The following TNNI3K variants were observed in gnomAD, a reference collection of about 807,000 sequenced individuals.
The protein encoded by TNNI3K is TNNI3 interacting kinase.
A neutral mutation model predicts 114.5 loss-of-function variants in TNNI3K; 140 were observed. The ratio of observed to expected loss-of-function variants is 1.22; its 90% CI spans 1.07 to 1.41. The LOEUF (loss-of-function observed/expected upper bound fraction) is 1.41. Among genes scored for constraint, TNNI3K ranks in the 40% most tolerant of loss-of-function variants. TNNI3K has a pLI of 0.00. For missense variants in TNNI3K, 1,125 were observed against 1,007.6 expected, an observed-to-expected ratio of 1.12 and a Z score of -1.58; for synonymous variants, 347 against 347.5, an observed-to-expected ratio of 1.00 and a Z score of 0.02.
intron 23 of TNNI3K, among the ~76,000 whole-genome samples, chr1:74,494,646 TC>T (rs1183463092): frequency 1.3e-5 from 2 of 152,214 alleles, no homozygotes; most frequent in Non-Finnish European, 2.9e-5. Context: ...CTGAGGTTTG[TC>T]CACTTGAGAC....
intron 21 of TNNI3K, among the ~76,000 whole-genome samples, chr1:74,486,900 T>G (rs1668795688): frequency 6.6e-6 from 1 of 152,118 alleles, no homozygotes; most frequent in Non-Finnish European, 1.5e-5. Flanking sequence ...CTATGCCAAG[T>G]GAAATGACCA....
intron 23 of TNNI3K, among the ~76,000 whole-genome samples, chr1:74,530,394 T>C (rs1646566038): frequency 1.3e-5 from 2 of 152,190 alleles, no homozygotes; most frequent in Admixed American, 6.5e-5. Context: ...TCTCTGAGCC[T>C]TGGTTTCCTC....
rs113490727 is a variant in TNNI3K at position 74,432,689 on chromosome 1, A to T, written c.1773-3391A>T. Among the ~76,000 whole-genome samples the T allele has an allele frequency of 2.7e-3, 405 of 152,186 alleles. 3 individuals carry two copies. Among genetic ancestry groups the T allele is most frequent in the African/African-American group, 9.3e-3 (388 of 41,544 alleles). On this transcript the variant is annotated intron_variant, in intron 17 of 24. Transcript: ENST00000326637. ...TATTTCTAATTAGCTTATTGATTTC[A>T]GTCTCATTACCTTACAGTAACATAT...
At chr1:74,431,779 C>T (rs1665911262) in intron 17 of TNNI3K, among the ~76,000 whole-genome samples, 2 of 152,226 alleles carry the variant, frequency 1.3e-5, no homozygotes, top group Admixed American at 6.5e-5. Context: ...TGGCTGGGCA[C>T]GCTCTTGAAC....
chr1:74,418,197 G>C (rs892372318), intron 17 of TNNI3K: 7 of 453,550 alleles, frequency 1.5e-5, no homozygotes, highest in African/African-American at 8.0e-5. Context: ...GTGATTGCTA[G>C]AGCTCAAGCA....
At chr1:74,531,624 T>C (rs978690646) in intron 23 of TNNI3K, among the ~76,000 whole-genome samples, 14 of 152,336 alleles carry the variant, frequency 9.2e-5, no homozygotes, top group Non-Finnish European at 1.8e-4. Flanking sequence ...AAGAGATTTA[T>C]TATCCTAGTG....
chr1:74,449,190 T>C (rs274592), intron 20 of TNNI3K, among the ~76,000 whole-genome samples: 137,379 of 151,552 alleles, frequency 0.91, 62,297 homozygotes, highest in East Asian at 0.97. Context: ...GTTTAGTCTT[T>C]GGAGAGTGTA....
At chr1:74,543,522 G>A (rs1024886300) in intron 24 of TNNI3K, among the ~76,000 whole-genome samples, 1 of 152,182 alleles carries the variant, frequency 6.6e-6, no homozygotes, top group Non-Finnish European at 1.5e-5. Flanking sequence ...CCGAGGCATA[G>A]AAAGGTTAAG....
chr1:74,422,267 C>G (rs1665435736), intron 17 of TNNI3K, among the ~76,000 whole-genome samples: 1 of 151,572 alleles, frequency 6.6e-6, no homozygotes, highest in African/African-American at 2.4e-5. Flanking sequence ...AGGAATATCT[C>G]ATTTGATTTT....
At chr1:74,267,229 T>C (rs1656049836) in intron 4 of TNNI3K, among the ~76,000 whole-genome samples, 1 of 151,980 alleles carries the variant, frequency 6.6e-6, no homozygotes, top group Admixed American at 6.6e-5. Context: ...AAAATTTGCC[T>C]AATATTTGCA....
At chr1:74,311,334 C>G (rs1658982956) in intron 5 of TNNI3K, among the ~76,000 whole-genome samples, 1 of 151,840 alleles carries the variant, frequency 6.6e-6, no homozygotes, top group South Asian at 2.1e-4. Flanking sequence ...TTCTAGCTGT[C>G]AAGAAAAAAA....
chr1:74,297,312 G>A lies in TNNI3K; in HGVS notation c.444+25604G>A, dbSNP rs183286338. Among the ~76,000 whole-genome samples, 61 of 152,132 alleles carry A rather than the reference G, an allele frequency of 4.0e-4. No homozygotes were observed. In the East Asian group the frequency reaches 8.9e-3, roughly 22 times the overall value. The stretch of plus-strand genomic sequence containing the variant: ...AACACTGGTATTCCCCCTGATATTC[G>A]TATGTTGAAACACGAATCCCCCTTG... On this transcript the variant is annotated intron_variant, in intron 5 of 24. Coordinates refer to ENST00000326637, the MANE Select transcript of TNNI3K (RefSeq NM_015978.3).
At chr1:74,471,159 A>G (rs1444226653) in intron 21 of TNNI3K, 2 of 400,734 alleles carry the variant, frequency 5.0e-6, no homozygotes, top group Non-Finnish European at 8.8e-6. Flanking sequence ...TGCTTTCTAT[A>G]GAGCTCTGGT....
chr1:74,471,942 C>G lies in TNNI3K; in HGVS notation c.2121+8392C>G, dbSNP rs17095391. On this transcript the variant is annotated intron_variant, in intron 21 of 24. Coordinates refer to ENST00000326637, the MANE Select transcript of TNNI3K (RefSeq NM_015978.3). ...TTGGCTGAAAATACCTAGGTTTGCT[C>G]TGTTTTAACAGTCCACAAGGATCAT... 3,079 of 522,368 alleles carry G rather than the reference C, an allele frequency of 5.9e-3. 84 individuals are homozygous for G. The highest frequency in any genetic ancestry group is 0.054 in the African/African-American group (2,786 of 51,350). 32.4% of individuals were successfully genotyped at this position (522,368 alleles called of 1,614,324 possible). A position where few individuals can be genotyped will look rare whatever the true frequency, so the allele number is the denominator to read the frequency against.
At chr1:74,436,378 A>G in intron 18 of TNNI3K, 96 bp from the exon 19 acceptor site, 1 of 1,373,470 alleles carries the variant, frequency 7.3e-7, no homozygotes. Flanking sequence ...TTTGAATAAG[A>G]CAGAAGTCTC....
intron 17 of TNNI3K, among the ~76,000 whole-genome samples, chr1:74,429,925 C>G (rs981705903): frequency 3.3e-5 from 5 of 152,068 alleles, no homozygotes; most frequent in Non-Finnish European, 7.4e-5. Context: ...TGTTATTAAG[C>G]CTGCACTTCT....
intron 24 of TNNI3K, among the ~76,000 whole-genome samples, chr1:74,541,781 G>A (rs1372733965): frequency 6.6e-6 from 1 of 152,198 alleles, no homozygotes; most frequent in Non-Finnish European, 1.5e-5. Flanking sequence ...GATGGAGTGA[G>A]AGTACCTATA....
chr1:74,440,079 C>T (rs1666309284), intron 20 of TNNI3K, among the ~76,000 whole-genome samples: 1 of 151,848 alleles, frequency 6.6e-6, no homozygotes, highest in Admixed American at 6.6e-5. Flanking sequence ...GTTTTCCTAA[C>T]GTTTTTGTAT....
At chr1:74,266,682 G>A (rs1394605155) in intron 4 of TNNI3K, among the ~76,000 whole-genome samples, 1 of 151,914 alleles carries the variant, frequency 6.6e-6, no homozygotes, top group East Asian at 1.9e-4. Context: ...GATGTAATAT[G>A]GTAGTAGAGG....
Sources: allele counts gnomAD v4.1 joint callset (sites outside exome capture counted in the v4.1 genomes callset), GRCh38; gene constraint gnomAD v4.1.1; transcripts MANE v1.5; gene names NCBI Gene and HGNC (gene_info 2026-07-23, HGNC 2026-07-21).